The following NEGR1 variants were observed in gnomAD, a reference collection of about 807,000 sequenced individuals.
NEGR1 encodes neuronal growth regulator 1.
A neutral mutation model predicts 40.9 loss-of-function variants in NEGR1; 10 were observed. The observed-to-expected ratio is 0.24, with a 90% CI of 0.15 to 0.42. NEGR1 has a LOEUF of 0.42. Among genes scored for constraint, NEGR1 ranks in the 10% least tolerant of loss-of-function variants. The pLI is 1.00. For missense variants in NEGR1, 352 were observed against 438.9 expected, an observed-to-expected ratio of 0.80 and a Z score of 1.77; for synonymous variants, 185 against 166.8, an observed-to-expected ratio of 1.11 and a Z score of -0.84.
intron 4 of NEGR1, among the ~76,000 whole-genome samples, chr1:71,677,272 G>C (rs1418501058): frequency 6.6e-6 from 1 of 151,986 alleles, no homozygotes; most frequent in African/African-American, 2.4e-5. Context: ...CTGGTCTCCG[G>C]ATAGGATAAA....
intron 6 of NEGR1, among the ~76,000 whole-genome samples, chr1:71,471,662 CA>C (rs5775065): frequency 0.75 from 113,123 of 151,558 alleles, 42,633 homozygotes; most frequent in Non-Finnish European, 0.77. Flanking sequence ...ACAACAACAA[CA>C]AAAAAAAAGA....
chr1:72,278,451 G>T (rs1012342777), intron 1 of NEGR1, among the ~76,000 whole-genome samples: 1 of 152,062 alleles, frequency 6.6e-6, no homozygotes, highest in African/African-American at 2.4e-5. Context: ...TCGTAGTATT[G>T]TTTCCAAGGG....
intron 4 of NEGR1, among the ~76,000 whole-genome samples, chr1:71,650,438 T>C (rs1293839295): frequency 1.3e-5 from 2 of 152,156 alleles, no homozygotes; most frequent in Non-Finnish European, 2.9e-5. Flanking sequence ...TGAAAACTAG[T>C]AAGAACAAGT....
intron 1 of NEGR1, among the ~76,000 whole-genome samples, chr1:72,118,439 G>A (rs1649663879): frequency 6.6e-6 from 1 of 151,824 alleles, no homozygotes; most frequent in Non-Finnish European, 1.5e-5. Context: ...TGGGAGGACA[G>A]ATGGTGGGCC....
intron 6 of NEGR1, among the ~76,000 whole-genome samples, chr1:71,523,579 T>C (rs1159291414): frequency 6.6e-6 from 1 of 151,882 alleles, no homozygotes; most frequent in Admixed American, 6.6e-5. Context: ...GGGATAAAGA[T>C]GCAAAGTCGG....
At chr1:72,116,926 C>A (rs1347549746) in intron 1 of NEGR1, among the ~76,000 whole-genome samples, 2 of 151,618 alleles carry the variant, frequency 1.3e-5, no homozygotes, top group Non-Finnish European at 3.0e-5. Context: ...TATATGACAT[C>A]AAAATAGTTC....
At chr1:71,806,980 C>T (rs1028955096) in intron 2 of NEGR1, among the ~76,000 whole-genome samples, 1 of 151,196 alleles carries the variant, frequency 6.6e-6, no homozygotes, top group Non-Finnish European at 1.5e-5. Flanking sequence ...GCAAGCTCCA[C>T]CTTCCGGGTT....
In NEGR1 at chr1:72,282,366, C is replaced by A. The variant is rs1220186249; in HGVS notation, c.129G>T (p.Ala43=). Reference sequence around the variant, plus strand: ...TTCTGACCATCATGTTGTCCACGGCCGCCCAGGGGAAGTCCACACTCTGTC... The same window carrying A: ...TTCTGACCATCATGTTGTCCACGGCAGCCCAGGGGAAGTCCACACTCTGTC... ...PAGQSVDFPW[A]AVDNMMVRKG... is the part of the protein sequence containing the mutation. Residue 43 remains alanine (A), a synonymous_variant, in exon 1 of 7, where the codon GCG becomes GCT. Coordinates refer to ENST00000357731, the MANE Select transcript of NEGR1 (RefSeq NM_173808.3). 1.9e-6 allele frequency: 3 copies of A among 1,613,960 alleles called. No homozygotes were observed. In the Admixed American group the frequency reaches 5.0e-5, roughly 27 times the overall value.
At chr1:72,042,129 TC>T (rs982523579) in intron 1 of NEGR1, among the ~76,000 whole-genome samples, 2 of 151,302 alleles carry the variant, frequency 1.3e-5, no homozygotes, top group Admixed American at 1.3e-4. Context: ...ACATGTGGGG[TC>T]CTTCAGCCAG....
chr1:71,651,451 A>G (rs1371265557), intron 4 of NEGR1, among the ~76,000 whole-genome samples: 2 of 152,186 alleles, frequency 1.3e-5, no homozygotes, highest in African/African-American at 4.8e-5. Flanking sequence ...TGCAGAGTCT[A>G]TAAACAGTAT....
intron 6 of NEGR1, among the ~76,000 whole-genome samples, chr1:71,460,798 A>G (rs1339278381): frequency 6.6e-6 from 1 of 152,332 alleles, no homozygotes; most frequent in East Asian, 1.9e-4. Context: ...CAGGTACAAG[A>G]CAAAGAGGAG....
chr1:71,755,915 T>G (rs1370632555), intron 3 of NEGR1, among the ~76,000 whole-genome samples: 43 of 152,166 alleles, frequency 2.8e-4, no homozygotes, highest in Admixed American at 2.8e-3. Flanking sequence ...AAATAAATAT[T>G]TATAATATAA....
chr1:71,775,243 TATTG>T (rs1656460778), intron 3 of NEGR1, among the ~76,000 whole-genome samples: 1 of 152,184 alleles, frequency 6.6e-6, no homozygotes, highest in African/African-American at 2.4e-5. Flanking sequence ...GCCTTTTGTC[TATTG>T]ATTGGTGATT....
intron 4 of NEGR1, among the ~76,000 whole-genome samples, chr1:71,627,366 A>C (rs1305895696): frequency 1.3e-5 from 2 of 152,100 alleles, no homozygotes; most frequent in Non-Finnish European, 2.9e-5. Context: ...ATAACTAGGC[A>C]TTAAAATACT....
At chr1:71,809,638 AAATAAG>A (rs1409874328) in intron 2 of NEGR1, among the ~76,000 whole-genome samples, 2 of 152,288 alleles carry the variant, frequency 1.3e-5, no homozygotes, top group East Asian at 3.9e-4. Context: ...ACAATTAAAT[AAATAAG>A]AATGTCTCTA....
At chr1:72,023,741 G>T (rs1267286386) in intron 1 of NEGR1, among the ~76,000 whole-genome samples, 1 of 151,764 alleles carries the variant, frequency 6.6e-6, no homozygotes, top group African/African-American at 2.4e-5. Flanking sequence ...CATATACACT[G>T]GGGATCAATG....
chr1:72,044,894 T>G (rs1219147286), intron 1 of NEGR1, among the ~76,000 whole-genome samples: 1 of 151,850 alleles, frequency 6.6e-6, no homozygotes, highest in Non-Finnish European at 1.5e-5. Context: ...TAGAGGAAAT[T>G]CAGCATTACT....
chr1:72,032,118 A>AT (rs1447333608), intron 1 of NEGR1, among the ~76,000 whole-genome samples: 1 of 152,218 alleles, frequency 6.6e-6, no homozygotes, highest in Non-Finnish European at 1.5e-5. Context: ...CATTAACAAT[A>AT]ATCATTCTGC....
At chr1:71,467,108 A>C (rs934160057) in intron 6 of NEGR1, among the ~76,000 whole-genome samples, 3 of 152,142 alleles carry the variant, frequency 2.0e-5, no homozygotes, top group African/African-American at 7.2e-5. Context: ...ATAAAGTTAA[A>C]TGAATGAAAA....
Sources: gnomAD v4.1 joint callset for allele counts (sites outside exome capture counted in the v4.1 genomes callset) on GRCh38, gnomAD v4.1.1 for gene constraint, MANE v1.5 for transcripts, NCBI Gene and HGNC (gene_info 2026-07-23, HGNC 2026-07-21) for gene names.